The following CCDC30 variants were observed in gnomAD, a reference collection of about 807,000 sequenced individuals.
CCDC30 encodes the protein coiled-coil domain containing 30, also known as coiled-coil domain-containing protein 30.
Under a neutral mutation model 100.2 loss-of-function variants are expected in CCDC30, and 70 were observed. That is an observed-to-expected ratio of 0.70 (90% CI 0.58 to 0.85). The LOEUF is 0.85. Among genes scored for constraint, CCDC30 ranks in the 40% least tolerant of loss-of-function variants. The pLI is 0.00. For synonymous variants in CCDC30, 233 were observed against 269.5 expected (o/e 0.86, Z 1.33); for missense variants, 652 against 771.2 (o/e 0.85, Z 1.83).
At chr1:42,537,115 G>A (rs948762762) in intron 6 of CCDC30, 5 of 447,768 alleles carry the variant, frequency 1.1e-5, no homozygotes, top group Non-Finnish European at 1.3e-5. Context: ...TAGCTCTGTT[G>A]TTTCTCCAAG....
At chr1:42,645,892 A>G (rs920483071) in intron 14 of CCDC30, among the ~76,000 whole-genome samples, 1 of 152,226 alleles carries the variant, frequency 6.6e-6, no homozygotes, top group African/African-American at 2.4e-5. Context: ...CTAGAGAAGG[A>G]CAAACACATT....
At chr1:42,652,082 C>A (rs188198948) in intron 15 of CCDC30, among the ~76,000 whole-genome samples, 5 of 152,248 alleles carry the variant, frequency 3.3e-5, no homozygotes, top group Non-Finnish European at 5.9e-5. Flanking sequence ...ATGTGATATA[C>A]ACTATGGTGT....
intron 12 of CCDC30, among the ~76,000 whole-genome samples, chr1:42,639,446 T>A (rs1647241985): frequency 6.6e-6 from 1 of 152,154 alleles, no homozygotes; most frequent in African/African-American, 2.4e-5. Flanking sequence ...CTCAAAACTA[T>A]GAGAAAATGT....
At chr1:42,649,446 T>C (rs996015896) in intron 15 of CCDC30, among the ~76,000 whole-genome samples, 2 of 152,220 alleles carry the variant, frequency 1.3e-5, no homozygotes, top group African/African-American at 4.8e-5. Flanking sequence ...AGGAGGAATG[T>C]ACCTCAATAC....
intron 7 of CCDC30, among the ~76,000 whole-genome samples, chr1:42,569,742 A>G (rs1186971282): frequency 6.6e-6 from 1 of 152,228 alleles, no homozygotes; most frequent in Non-Finnish European, 1.5e-5. Flanking sequence ...CCCATCAATG[A>G]TAGACTGGAT....
At chr1:42,516,707 C>T (rs1033071037) in intron 6 of CCDC30, among the ~76,000 whole-genome samples, 2 of 152,100 alleles carry the variant, frequency 1.3e-5, no homozygotes, top group African/African-American at 4.8e-5. Context: ...GCCCTTACCA[C>T]ATGCAGCTGC....
intron 11 of CCDC30, among the ~76,000 whole-genome samples, chr1:42,613,242 T>C (rs1646658875): frequency 4.8e-5 from 1 of 20,646 alleles, no homozygotes; most frequent in Middle Eastern, 0.023. Context: ...ATTCACGTGC[T>C]TTATTTTATT....
chr1:42,589,634 A>G, intron 10 of CCDC30, 151 bp downstream of exon 14: 1 of 656,728 alleles, frequency 1.5e-6, no homozygotes, highest in Non-Finnish European at 2.6e-6. Context: ...TCAAGCAAGA[A>G]GAGATTTAAC....
intron 6 of CCDC30, among the ~76,000 whole-genome samples, chr1:42,547,876 A>G (rs1197752947): frequency 6.6e-6 from 1 of 152,202 alleles, no homozygotes; most frequent in Non-Finnish European, 1.5e-5. Context: ...TATGGTCCAC[A>G]TAGTCTGATG....
intron 4 of CCDC30, among the ~76,000 whole-genome samples, chr1:42,494,610 A>C (rs1400314077): frequency 3.3e-5 from 5 of 151,940 alleles, no homozygotes; most frequent in Non-Finnish European, 5.9e-5. Flanking sequence ...TACTCATCTG[A>C]CAAAGGGCTA....
rs1211439703 is a variant in CCDC30, at chr1:42,541,249, G to A, written c.457-25047G>A. Among the ~76,000 whole-genome samples the A allele has an allele frequency of 3.3e-4, 51 of 152,338 alleles. No homozygotes were observed. In the South Asian group the frequency reaches 7.2e-3, roughly 22 times the overall value. On this transcript the variant is annotated intron_variant, in intron 6 of 16. Coordinates refer to ENST00000668663, the Ensembl canonical transcript of CCDC30. ...TCACATGGCCAACAGCAAAGAGAGA[G>A]AGAGAGTGCAAGCTTTTTCCTGTCT...
At chr1:42,472,964 G>A (rs1006232491) in intron 1 of CCDC30, among the ~76,000 whole-genome samples, 15 of 152,124 alleles carry the variant, frequency 9.9e-5, no homozygotes, top group African/African-American at 3.4e-4. Flanking sequence ...ATACATAAGT[G>A]TGATGAAGGT....
intron 1 of CCDC30, chr1:42,473,111 C>T: frequency 8.2e-7 from 1 of 1,226,458 alleles, no homozygotes; most frequent in Non-Finnish European, 1.0e-6. Flanking sequence ...ATGCTTATTT[C>T]TTCTATCAAG....
At chr1:42,564,049 T>G (rs1163290368) in intron 6 of CCDC30, among the ~76,000 whole-genome samples, 2 of 152,170 alleles carry the variant, frequency 1.3e-5, no homozygotes, top group African/African-American at 2.4e-5. Context: ...TGTGTTACTT[T>G]AGGGACATAA....
In CCDC30 at chr1:42,572,442, G is replaced by T. The variant is rs996771499; in HGVS notation, c.637-4578G>T. The stretch of plus-strand genomic sequence containing the variant: ...TTATCAGGTATGTATTATAAACATC[G>T]ACTCTGTGGCTTGCATTTTCATTCT... On this transcript the variant is annotated intron_variant, in intron 7 of 16. Coordinates refer to ENST00000668663, the Ensembl canonical transcript of CCDC30. 2.0e-5 allele frequency among the ~76,000 whole-genome samples: 3 copies of T among 151,818 alleles called. No homozygotes were observed. The East Asian group carries it at 5.8e-4, about 29-fold the overall frequency.
chr1:42,482,860 T>C, intron 3 of CCDC30, 44 bp downstream of exon 3: 2 of 1,185,892 alleles, frequency 1.7e-6, no homozygotes, highest in Non-Finnish European at 2.1e-6. Context: ...ATGCTTTAAC[T>C]GTACTGATCT....
chr1:42,458,602 AAAAT>A (rs1387205456), upstream of CCDC30, among the ~76,000 whole-genome samples: 13 of 152,240 alleles, frequency 8.5e-5, no homozygotes, highest in Non-Finnish European at 1.5e-4. Context: ...GCTAAGGAGA[AAAAT>A]AAAGTATAAA....
At chr1:42,598,787 G>T (rs1366375276) in intron 10 of CCDC30, among the ~76,000 whole-genome samples, 1 of 151,590 alleles carries the variant, frequency 6.6e-6, no homozygotes, top group Admixed American at 6.6e-5. Flanking sequence ...AGGGCCAGGT[G>T]TGGTGGCTCA....
In CCDC30 at chr1:42,624,305, T is replaced by G. The variant is rs140981882; in HGVS notation, c.1278-12932T>G. On this transcript the variant is annotated intron_variant, in intron 11 of 16. Transcript: ENST00000668663. ...AATGCTTTTCCAGCATCAGTTGAAA[T>G]AATCATATGGTTTTTGTCCTGTTGA... Among the ~76,000 whole-genome samples the G allele has an allele frequency of 9.9e-3, 1,501 of 152,338 alleles. 30 individuals carry two copies. Among genetic ancestry groups the G allele is most frequent in the African/African-American group, 0.034 (1,430 of 41,582 alleles).
Sources: allele counts gnomAD v4.1 joint callset (sites outside exome capture counted in the v4.1 genomes callset), GRCh38; gene constraint gnomAD v4.1.1; transcripts MANE v1.5; gene names NCBI Gene and HGNC (gene_info 2026-07-23, HGNC 2026-07-21).